Variants in PPP2R2C observed in about 807,000 individuals in gnomAD.
The protein encoded by PPP2R2C is protein phosphatase 2 regulatory subunit Bgamma.
Under a neutral mutation model 45.3 loss-of-function variants are expected in PPP2R2C, and 10 were observed. The observed-to-expected ratio is 0.22, with a 90% CI of 0.14 to 0.37. PPP2R2C has a LOEUF of 0.37. Ranked by LOEUF, PPP2R2C falls within the 10% of genes least tolerant of loss-of-function variation. The pLI is 1.00. For missense variants in PPP2R2C, 308 were observed against 619.7 expected (o/e 0.50, Z 5.34); for synonymous variants, 257 against 245.4 (o/e 1.05, Z -0.44).
At chr4:6,401,660 C>G (rs1280556750) in intron 1 of PPP2R2C, among the ~76,000 whole-genome samples, 1 of 152,138 alleles carries the variant, frequency 6.6e-6, no homozygotes, top group Admixed American at 6.5e-5. Flanking sequence ...CCTGAGAGCC[C>G]TCTGTCATCA....
intron 1 of PPP2R2C, among the ~76,000 whole-genome samples, chr4:6,402,060 T>A (rs994118339): frequency 1.3e-5 from 2 of 152,192 alleles, no homozygotes; most frequent in Non-Finnish European, 1.5e-5. Flanking sequence ...GTGGTAAGGA[T>A]CAACTACCTT....
At chr4:6,444,155 T>C (rs538410523) in intron 1 of PPP2R2C, among the ~76,000 whole-genome samples, 2 of 152,052 alleles carry the variant, frequency 1.3e-5, no homozygotes, top group African/African-American at 2.4e-5. Context: ...TCGACAAGGA[T>C]TGATGGGACA....
chr4:6,446,861 A>C lies in PPP2R2C; in HGVS notation c.70+25299T>G, dbSNP rs149127598. ...CAGCTCACAGCAGAATTCTTTTATAAAGCAAAGTGTCTGCTTGTAAAAAAA... is the reference window on the plus strand; with the variant it reads ...CAGCTCACAGCAGAATTCTTTTATACAGCAAAGTGTCTGCTTGTAAAAAAA... On this transcript the variant is annotated intron_variant, in intron 1 of 8. Transcript: ENST00000382599. 1.8e-3 allele frequency among the ~76,000 whole-genome samples: 267 copies of C among 150,154 alleles called. 1 individual carries two copies. The highest frequency in any genetic ancestry group is 6.4e-3 in the African/African-American group (259 of 40,612).
chr4:6,327,232 G>T (rs1732015542), intron 8 of PPP2R2C, among the ~76,000 whole-genome samples: 2 of 152,230 alleles, frequency 1.3e-5, no homozygotes, highest in African/African-American at 2.4e-5. Flanking sequence ...GGCAAACAAG[G>T]ACAGAGGTTC....
At chr4:6,460,625 T>TA (rs557346975) in intron 1 of PPP2R2C, among the ~76,000 whole-genome samples, 181 of 152,220 alleles carry the variant, frequency 1.2e-3, no homozygotes, top group Non-Finnish European at 2.0e-3. Flanking sequence ...TTTCAGTGAA[T>TA]AAAAAAATGT....
chr4:6,434,376 G>A (rs56170595), intron 1 of PPP2R2C, among the ~76,000 whole-genome samples: 1 of 129,894 alleles, frequency 7.7e-6, no homozygotes, highest in African/African-American at 2.8e-5. Context: ...TTTTTTTTTT[G>A]GAGACAGAGT....
At chr4:6,534,542 C>T (rs763284058) in intron 2 of PPP2R2C, among the ~76,000 whole-genome samples, 1 of 151,958 alleles carries the variant, frequency 6.6e-6, no homozygotes, top group Admixed American at 6.6e-5. Flanking sequence ...AATACACACA[C>T]CCCAACATAC....
At chr4:6,549,901 G>A (rs1725126606) in intron 1 of PPP2R2C, among the ~76,000 whole-genome samples, 1 of 152,198 alleles carries the variant, frequency 6.6e-6, no homozygotes, top group African/African-American at 2.4e-5. Context: ...TGAATATCTG[G>A]GGAGAAACAT....
intron 5 of PPP2R2C, chr4:6,350,298 T>C (rs1017588333): frequency 3.0e-6 from 3 of 985,290 alleles, no homozygotes; most frequent in African/African-American, 1.7e-5. Context: ...CGCTGCCCGC[T>C]CGGAGCAGCT....
intron 1 of PPP2R2C, among the ~76,000 whole-genome samples, chr4:6,456,896 G>A (rs1005432142): frequency 7.9e-5 from 12 of 152,188 alleles, no homozygotes; most frequent in African/African-American, 2.4e-4. Flanking sequence ...CTTGCTGTAC[G>A]GGTGGTGTGG....
intron 1 of PPP2R2C, among the ~76,000 whole-genome samples, chr4:6,420,181 A>C (rs1253421795): frequency 1.3e-5 from 2 of 152,152 alleles, no homozygotes; most frequent in Admixed American, 6.5e-5. Context: ...ACTACTCCAC[A>C]TGACAGGTGA....
intron 2 of PPP2R2C, among the ~76,000 whole-genome samples, chr4:6,478,531 T>A (rs1722242681): frequency 6.6e-6 from 1 of 150,976 alleles, no homozygotes; most frequent in South Asian, 2.1e-4. Flanking sequence ...CAGGGCCCTG[T>A]TCGATGTGCT....
chr4:6,342,563 C>G (rs553913764), intron 6 of PPP2R2C, among the ~76,000 whole-genome samples: 1 of 152,240 alleles, frequency 6.6e-6, no homozygotes, highest in Admixed American at 6.5e-5. Flanking sequence ...TCTTGGCCAT[C>G]ATCGGCCCCG....
At chr4:6,349,234 C>T in intron 5 of PPP2R2C, 1 of 985,432 alleles carries the variant, frequency 1.0e-6, no homozygotes, top group South Asian at 4.7e-5. Flanking sequence ...ACGGTCTGTT[C>T]CCTCTGACTC....
At chr4:6,404,439 CGCTTGTATGCACA>C (rs1717652737) in intron 1 of PPP2R2C, among the ~76,000 whole-genome samples, 1 of 152,218 alleles carries the variant, frequency 6.6e-6, no homozygotes, top group Non-Finnish European at 1.5e-5. Flanking sequence ...CTCCTGACCT[CGCTTGTATGCACA>C]GCACTTTGCA....
upstream of PPP2R2C, among the ~76,000 whole-genome samples, chr4:6,476,427 T>G (rs1014223881): frequency 1.3e-5 from 2 of 152,200 alleles, no homozygotes; most frequent in African/African-American, 4.8e-5. Context: ...AGCCGCCTTA[T>G]AAGAAGAGAC....
intron 2 of PPP2R2C, among the ~76,000 whole-genome samples, chr4:6,511,728 G>A (rs1267645242): frequency 2.8e-4 from 8 of 28,238 alleles, no homozygotes; most frequent in Non-Finnish European, 6.4e-4. Context: ...TGGTGATGGT[G>A]GTGGAGGTGA....
At chr4:6,534,918 C>T (rs950869221) in intron 2 of PPP2R2C, among the ~76,000 whole-genome samples, 1 of 152,204 alleles carries the variant, frequency 6.6e-6, no homozygotes, top group East Asian at 1.9e-4. Flanking sequence ...CTGGCCACAG[C>T]GGGCACTCAA....
intron 1 of PPP2R2C, among the ~76,000 whole-genome samples, chr4:6,446,848 G>A (rs1369866692): frequency 1.3e-5 from 2 of 150,402 alleles, no homozygotes; most frequent in African/African-American, 4.9e-5. Context: ...GCTCACAGCA[G>A]AATTCTTTTA....
Sources: allele counts gnomAD v4.1 joint callset (sites outside exome capture counted in the v4.1 genomes callset), GRCh38; gene constraint gnomAD v4.1.1; transcripts MANE v1.5; gene names NCBI Gene and HGNC (gene_info 2026-07-23, HGNC 2026-07-21).